Variants in LRBA observed in about 807,000 individuals in gnomAD.
LRBA encodes LPS responsive beige-like anchor protein.
Under a neutral mutation model 330.0 loss-of-function variants are expected in LRBA, and 176 were observed. The ratio of observed to expected loss-of-function variants is 0.53; its 90% CI spans 0.47 to 0.60. LRBA has a LOEUF of 0.60. LRBA is among the 20% of genes least tolerant of loss of function. LRBA has a pLI of 0.00. For missense variants in LRBA, 3,259 were observed against 3,444.8 expected, an observed-to-expected ratio of 0.95 and a Z score of 1.35; for synonymous variants, 1,230 against 1,193.0, an observed-to-expected ratio of 1.03 and a Z score of -0.64.
chr4:150,804,077 T>C (rs1742183506), intron 33 of LRBA, among the ~76,000 whole-genome samples: 3 of 152,112 alleles, frequency 2.0e-5, no homozygotes, highest in African/African-American at 7.2e-5. Context: ...AAAAGTTTCA[T>C]ATATGAAACA....
intron 13 of LRBA, among the ~76,000 whole-genome samples, chr4:150,904,621 A>G (rs986170958): frequency 6.6e-6 from 1 of 152,154 alleles, no homozygotes; most frequent in Admixed American, 6.5e-5. Flanking sequence ...TATGCTGATT[A>G]GTAAGACAAA....
At chr4:150,996,224 A>G (rs1742630205) in intron 2 of LRBA, among the ~76,000 whole-genome samples, 1 of 152,216 alleles carries the variant, frequency 6.6e-6, no homozygotes, top group Non-Finnish European at 1.5e-5. Context: ...AGAATTTAGC[A>G]TAAATGAAAC....
chr4:150,671,041 T>TGTGTGTGA lies in LRBA; in HGVS notation c.5921+12509_5921+12510insTCACACAC, dbSNP rs779665914. Among the ~76,000 whole-genome samples the TGTGTGTGA allele has an allele frequency of 2.7e-3, 392 of 142,800 alleles. 2 individuals are homozygous for TGTGTGTGA. The highest frequency in any genetic ancestry group is 6.8e-3 in the African/African-American group (253 of 37,364). 93.7% of individuals were successfully genotyped at this position (142,800 alleles called of 152,430 possible). A position where few individuals can be genotyped will look rare whatever the true frequency, so the allele number is the denominator to read the frequency against. On this transcript the variant is annotated intron_variant, in intron 37 of 56. Coordinates refer to ENST00000651943, the MANE Select transcript of LRBA (RefSeq NM_001364905.1). ...GTGTGTGTGTGTGTGTGTGTGTGTG[T>TGTGTGTGA]GAGAGAGAGAGAGAGAGAGAGACAG...
rs570142476 is a variant in LRBA, at chr4:150,702,280, T to C, written c.5755-18563A>G. ...AATGGACAAAGGTGGGAAAAAAGTT[T>C]GTCATTTAACTAATCTTTACACAGC... On this transcript the variant is annotated intron_variant, in intron 36 of 56. Coordinates refer to ENST00000651943, the MANE Select transcript of LRBA (RefSeq NM_001364905.1). Among the ~76,000 whole-genome samples, 7 of 152,314 alleles carry C rather than the reference T, an allele frequency of 4.6e-5. No individual in the cohort carries two copies. In the South Asian group the frequency reaches 1.5e-3, roughly 32 times the overall value.
chr4:150,358,489 T>C (rs925096748), intron 47 of LRBA, among the ~76,000 whole-genome samples: 4 of 152,256 alleles, frequency 2.6e-5, no homozygotes, highest in African/African-American at 4.8e-5. Context: ...GTAATATTTA[T>C]AGACATTAAA....
intron 36 of LRBA, among the ~76,000 whole-genome samples, chr4:150,733,818 C>T (rs190437488): frequency 1.6e-3 from 243 of 152,158 alleles, no homozygotes; most frequent in African/African-American, 5.7e-3. Context: ...TAATTTTTTG[C>T]ATAACTATCT....
chr4:150,658,477 A>G (rs1780446647), intron 37 of LRBA, among the ~76,000 whole-genome samples: 1 of 139,750 alleles, frequency 7.2e-6, no homozygotes, highest in Non-Finnish European at 1.5e-5. Flanking sequence ...AAAGGCTCAA[A>G]ACTTGAAAAA....
At chr4:150,508,240 A>AG (rs34288480) in intron 40 of LRBA, among the ~76,000 whole-genome samples, 1,662 of 64,642 alleles carry the variant, frequency 0.026, 33 homozygotes, top group East Asian at 0.088. Flanking sequence ...TTAAAAAAAA[A>AG]GGGGGGGGGG....
intron 2 of LRBA, among the ~76,000 whole-genome samples, chr4:151,009,893 T>C (rs900070655): frequency 1.3e-5 from 2 of 151,688 alleles, no homozygotes; most frequent in African/African-American, 4.8e-5. Context: ...GGCAGGAGAA[T>C]GGCGTGAACC....
intron 34 of LRBA, among the ~76,000 whole-genome samples, chr4:150,764,974 T>C (rs963265761): frequency 6.6e-6 from 1 of 151,934 alleles, no homozygotes; most frequent in East Asian, 1.9e-4. Context: ...CACATGGAGA[T>C]TTATAGCAGC....
intron 40 of LRBA, chr4:150,581,563 A>G (rs915881852): frequency 2.0e-5 from 4 of 203,458 alleles, no homozygotes; most frequent in African/African-American, 9.4e-5. Context: ...AAAAAAGTGA[A>G]CCTTTCTGAA....
At chr4:150,922,280 G>A (rs1374264865) in intron 4 of LRBA, among the ~76,000 whole-genome samples, 1 of 151,628 alleles carries the variant, frequency 6.6e-6, no homozygotes, top group Non-Finnish European at 1.5e-5. Context: ...CACTGTTAAA[G>A]GTACTTCAAA....
chr4:150,293,870 T>C (rs529345680), intron 53 of LRBA, among the ~76,000 whole-genome samples: 95 of 152,368 alleles, frequency 6.2e-4, no homozygotes, highest in African/African-American at 2.2e-3. Context: ...GATGATCTAC[T>C]TCCACTTAAT....
chr4:150,414,722 C>T (rs1047323274), intron 47 of LRBA, among the ~76,000 whole-genome samples: 2 of 152,124 alleles, frequency 1.3e-5, no homozygotes, highest in Non-Finnish European at 2.9e-5. Flanking sequence ...AACTCCTGAC[C>T]TCAGGTAATC....
intron 36 of LRBA, among the ~76,000 whole-genome samples, chr4:150,711,393 A>G (rs1786194809): frequency 1.3e-5 from 2 of 151,890 alleles, no homozygotes; most frequent in Non-Finnish European, 2.9e-5. Context: ...GCACCACCAC[A>G]CCCAGCTAAT....
chr4:150,871,767 T>A (rs920620348), intron 18 of LRBA, among the ~76,000 whole-genome samples: 1 of 152,064 alleles, frequency 6.6e-6, no homozygotes, highest in African/African-American at 2.4e-5. Flanking sequence ...TGCTACAATC[T>A]ACCAGCACTA....
Position 150,932,322 on chromosome 4 carries a change from T to A in LRBA, c.217-3257A>T, listed in dbSNP as rs560769820. Among the ~76,000 whole-genome samples the A allele has an allele frequency of 2.2e-4, 32 of 145,822 alleles. No homozygotes were observed. In the East Asian group the frequency reaches 5.5e-3, roughly 25 times the overall value. On this transcript the variant is annotated intron_variant, in intron 2 of 56. Transcript: ENST00000651943. ...GCACAAATAGCTTCCTGAAAAAAAA[T>A]TTTTAAAAGAAAATATATCTGCTTG... is the stretch of plus-strand genomic sequence containing the variant.
intron 37 of LRBA, among the ~76,000 whole-genome samples, chr4:150,647,265 A>T (rs1019971387): frequency 1.3e-5 from 2 of 151,962 alleles, no homozygotes; most frequent in Non-Finnish European, 2.9e-5. Flanking sequence ...TGAAAAAAAA[A>T]TAAGCTAAAG....
chr4:150,409,735 C>A (rs1746688643), intron 47 of LRBA, among the ~76,000 whole-genome samples: 1 of 152,090 alleles, frequency 6.6e-6, no homozygotes. Context: ...GGAGAATTAA[C>A]AATCTATCAA....
Sources: allele counts gnomAD v4.1 joint callset (sites outside exome capture counted in the v4.1 genomes callset), GRCh38; gene constraint gnomAD v4.1.1; transcripts MANE v1.5; gene names NCBI Gene and HGNC (gene_info 2026-07-23, HGNC 2026-07-21).